Variants in UNC13A observed in about 807,000 individuals in gnomAD.
UNC13A encodes protein unc-13 homolog A.
In UNC13A, 61 loss-of-function variants were observed where a neutral mutation model predicts 219.7. The ratio of observed to expected loss-of-function variants is 0.28; its 90% confidence interval spans 0.23 to 0.34. The LOEUF is 0.34. Among genes scored for constraint, UNC13A ranks in the 10% least tolerant of loss-of-function variants. The pLI, the probability that UNC13A is intolerant of heterozygous loss-of-function variation, is 1.00. For missense variants in UNC13A, 1,476 were observed against 2,270.3 expected, an observed-to-expected ratio of 0.65 and a Z score of 7.11; for synonymous variants, 920 against 884.6, an observed-to-expected ratio of 1.04 and a Z score of -0.71.
At chr19:17,622,799 A>G (rs1307543708) in intron 36 of UNC13A, 1 of 152,828 alleles carries the variant, frequency 6.5e-6, no homozygotes, top group Non-Finnish European at 1.5e-5. Flanking sequence ...GCATCATGCC[A>G]TTTGGTTCTT....
chr19:17,636,297 G>A (rs756171638), intron 25 of UNC13A, 140 bp from the exon 26 acceptor site: 8 of 1,097,260 alleles, frequency 7.3e-6, no homozygotes, highest in African/African-American at 6.3e-5. Flanking sequence ...TCTATATAGA[G>A]AGGAATTGAA....
intron 4 of UNC13A, among the ~76,000 whole-genome samples, chr19:17,671,870 T>A (rs973264238): frequency 3.9e-5 from 6 of 152,202 alleles, no homozygotes; most frequent in African/African-American, 1.4e-4. Context: ...CACCTTCTTA[T>A]GAGTTGGTGT....
At chr19:17,642,762 G>T (rs2076984013) in intron 20 of UNC13A, 83 bp downstream of exon 20, 3 of 1,193,370 alleles carry the variant, frequency 2.5e-6, no homozygotes, top group Middle Eastern at 2.1e-4. Context: ...GAGTGTGGAT[G>T]GTGTGGCCAG....
Position 17,649,450 on chromosome 19 carries a change from TTGTGCA to T in UNC13A, c.1518+53_1518+58del. 6.2e-7 allele frequency: 1 copy of T among 1,613,688 alleles called. No homozygotes were observed. Among genetic ancestry groups the T allele is most frequent in the East Asian group, 2.2e-5 (1 of 44,876 alleles). On this transcript the variant is annotated intron_variant, in intron 13 of 43. Coordinates refer to ENST00000519716, the MANE Select transcript of UNC13A (RefSeq NM_001080421.3). This position sits in a 1 kb window ranked among gnomAD's most constrained non-coding sequence, Gnocchi z 4.4. ...GGTTGACCATGGGCAGTTCCACAGGTTGTGCACTGCTTATAGCAGGCCTGCTCTGCT... is the reference window on the plus strand; with the variant it reads ...GGTTGACCATGGGCAGTTCCACAGGTCTGCTTATAGCAGGCCTGCTCTGCT...
In UNC13A at chr19:17,657,037, A is replaced by G. The variant is rs192938528; in HGVS notation, c.768-639T>C. Among the ~76,000 whole-genome samples, 482 of 151,910 alleles carry G rather than the reference A, an allele frequency of 3.2e-3. 4 individuals carry two copies. Among genetic ancestry groups the G allele is most frequent in the African/African-American group, 0.011 (443 of 41,434 alleles). On this transcript the variant is annotated intron_variant, in intron 9 of 43. Transcript: ENST00000519716. Reference sequence around the variant, plus strand: ...CCACTTCCCCGTACCCCGGGCCCCAACCCAGGCCAGCCTCTGCTGTCTCTA... The same window carrying G: ...CCACTTCCCCGTACCCCGGGCCCCAGCCCAGGCCAGCCTCTGCTGTCTCTA...
At chr19:17,688,032 T>G in intron 1 of UNC13A, 146 bp downstream of exon 1, 1 of 996,566 alleles carries the variant, frequency 1.0e-6, no homozygotes, top group Non-Finnish European at 1.4e-6. Flanking sequence ...GGGGCCCAGC[T>G]GCGTCGACAA....
chr19:17,649,731 C>T lies in UNC13A; in HGVS notation c.1440-144G>A. The T allele has an allele frequency of 1.2e-6, 1 of 830,488 alleles. No homozygotes were observed. The highest frequency in any genetic ancestry group is 1.9e-6 in the Non-Finnish European group (1 of 516,228). The allele number at this position is 830,488 out of a possible 1,614,324, so 51.4% of individuals were successfully genotyped here. A position where few individuals can be genotyped will look rare whatever the true frequency, so the allele number is the denominator to read the frequency against. ...AGATACGCTGATGCCCTAACCCCCACTACCTCAGAAGGTGACCTTACTTGG... is the reference window on the plus strand; with the variant it reads ...AGATACGCTGATGCCCTAACCCCCATTACCTCAGAAGGTGACCTTACTTGG... On this transcript the variant is annotated intron_variant, in intron 12 of 43. Transcript: ENST00000519716. The surrounding 1 kb of genome is among the most constrained non-coding windows in gnomAD (Gnocchi z 4.4).
At chr19:17,648,380 C>G (rs1374118968) in intron 16 of UNC13A, 51 bp downstream of exon 16, 39 of 1,454,010 alleles carry the variant, frequency 2.7e-5, no homozygotes, top group Non-Finnish European at 3.4e-5. Flanking sequence ...CATGCAAGCC[C>G]CGGGGCTCCC....
chr19:17,649,311 C>G lies in UNC13A; in HGVS notation c.1524+28G>C, dbSNP rs2079300999. On this transcript the variant is annotated intron_variant, in intron 14 of 43. Transcript: ENST00000519716. This position sits in a 1 kb window ranked among gnomAD's most constrained non-coding sequence, Gnocchi z 4.4. Reference sequence around the variant, plus strand: ...AGTGGGGGAGTTTGGGGAGAAGATCCCAAGAGGCCCATGTCGCCATCACTC... The same window carrying G: ...AGTGGGGGAGTTTGGGGAGAAGATCGCAAGAGGCCCATGTCGCCATCACTC... 3 of 1,567,788 alleles carry G rather than the reference C, an allele frequency of 1.9e-6. No homozygotes were observed. The highest frequency in any genetic ancestry group is 2.6e-6 in the Non-Finnish European group (3 of 1,163,234).
At chr19:17,656,703 T>G (rs2079461404) in intron 9 of UNC13A, among the ~76,000 whole-genome samples, 1 of 151,818 alleles carries the variant, frequency 6.6e-6, no homozygotes, top group African/African-American at 2.4e-5. Flanking sequence ...AATACAAAAA[T>G]TAGCTGCGCA....
At chr19:17,643,303 C>T (rs1159797102) in intron 19 of UNC13A, among the ~76,000 whole-genome samples, 4 of 151,510 alleles carry the variant, frequency 2.6e-5, no homozygotes, top group South Asian at 2.1e-4. Flanking sequence ...TGAGTCACCG[C>T]GCCCGGCCAG....
chr19:17,660,528 T>C (rs542355773), intron 8 of UNC13A, among the ~76,000 whole-genome samples: 16 of 108,758 alleles, frequency 1.5e-4, no homozygotes, highest in Admixed American at 1.5e-3. Context: ...TGTTTGTTGG[T>C]TTTTGGGTTT....
At chr19:17,608,251 T>C (rs1186922109) in intron 43 of UNC13A, among the ~76,000 whole-genome samples, 2 of 141,776 alleles carry the variant, frequency 1.4e-5, no homozygotes, top group Non-Finnish European at 3.0e-5. Context: ...CAATATATAA[T>C]ATATGAAATA....
chr19:17,676,335 A>T (rs970727860), intron 1 of UNC13A, among the ~76,000 whole-genome samples: 1 of 151,632 alleles, frequency 6.6e-6, no homozygotes, highest in Non-Finnish European at 1.5e-5. Flanking sequence ...AATGGAAGGA[A>T]ATTTGGACCC....
rs2076479880 is a variant in UNC13A at position 17,602,824 on chromosome 19, A to C, written c.*3230T>G. ...CATGCGGATGTGTATTCTCACACTG[A>C]CCCTGCCCCAATACATAATTCCACT... On this transcript the variant is annotated 3_prime_UTR_variant, in exon 44 of 44. Coordinates refer to ENST00000519716, the MANE Select transcript of UNC13A (RefSeq NM_001080421.3). The C allele has an allele frequency of 6.6e-6, 1 of 152,050 alleles. No individual in the cohort carries two copies. The highest frequency in any genetic ancestry group is 6.6e-5 in the Admixed American group (1 of 15,256). The allele number at this position is 152,050 out of a possible 1,614,324, so 9.4% of individuals were successfully genotyped here.
chr19:17,640,006 C>A, intron 22 of UNC13A, 98 bp from the exon 23 acceptor site: 1 of 1,169,916 alleles, frequency 8.5e-7, no homozygotes, highest in Non-Finnish European at 1.3e-6. Context: ...TCATCCACCA[C>A]CCTCATAATG....
rs868408189 is a variant in UNC13A at position 17,656,362 on chromosome 19, C to A, written c.804G>T (p.Glu268Asp). The change falls in exon 10 of 44, where the codon GAG becomes GAT. Residue 268 changes from glutamate (E) to aspartate (D), a missense_variant. Physicochemically the swap from Glu to Asp is conservative, Grantham distance 45. Coordinates refer to ENST00000519716, the MANE Select transcript of UNC13A (RefSeq NM_001080421.3). ...TGSSRYASSG[E>D]LSQGSSQLSE... ...TCAGCTGAGAGCTTCCCTGGCTCAG[C>A]TCCCCGGAAGAGGCATAGCGGCTGC... 1 of 1,553,992 alleles carries A rather than the reference C, an allele frequency of 6.4e-7. No individual in the cohort carries two copies. The highest frequency in any genetic ancestry group is 8.7e-7 in the Non-Finnish European group (1 of 1,150,600).
At chr19:17,631,537 T>C (rs192751390) in intron 28 of UNC13A, among the ~76,000 whole-genome samples, 34 of 151,890 alleles carry the variant, frequency 2.2e-4, no homozygotes, top group African/African-American at 5.3e-4. Flanking sequence ...AGAGCTTTCG[T>C]TTCTTGTACA....
intron 12 of UNC13A, 128 bp downstream of exon 12, chr19:17,652,503 C>A (rs2079367569): frequency 1.7e-6 from 2 of 1,176,570 alleles, no homozygotes; most frequent in South Asian, 1.3e-5. Flanking sequence ...GTATTTTGCC[C>A]AAGCTCAATC....
Sources: allele counts gnomAD v4.1 joint callset (sites outside exome capture counted in the v4.1 genomes callset), GRCh38; gene constraint gnomAD v4.1.1; non-coding constraint Gnocchi (gnomAD v3.1); transcripts MANE v1.5; gene names NCBI Gene and HGNC (gene_info 2026-07-23, HGNC 2026-07-21).